The following TACR3 variants were observed in gnomAD, a reference collection of about 807,000 sequenced individuals.
TACR3 encodes neuromedin-K receptor.
A neutral mutation model predicts 35.0 loss-of-function variants in TACR3; 34 were observed. The observed-to-expected ratio is 0.97, with a 90% CI of 0.74 to 1.30. The LOEUF (loss-of-function observed/expected upper bound fraction) is 1.30. TACR3 is among the 50% of genes most tolerant of loss of function. TACR3 has a pLI of 0.00. For missense variants in TACR3, 558 were observed against 591.7 expected (o/e 0.94, Z 0.59); for synonymous variants, 233 against 221.1 (o/e 1.05, Z -0.48).
intron 1 of TACR3, among the ~76,000 whole-genome samples, chr4:103,663,500 A>C (rs1578248361): frequency 6.6e-6 from 1 of 151,912 alleles, no homozygotes. Context: ...TCTCATAAAA[A>C]ATAAAAAACA....
At chr4:103,711,371 A>C (rs1164174197) in intron 1 of TACR3, among the ~76,000 whole-genome samples, 13 of 152,204 alleles carry the variant, frequency 8.5e-5, no homozygotes, top group African/African-American at 3.1e-4. Context: ...CCAGCATATA[A>C]ACAGAACCAA....
chr4:103,596,825 T>G (rs555072569), intron 3 of TACR3, among the ~76,000 whole-genome samples: 113 of 151,448 alleles, frequency 7.5e-4, no homozygotes, highest in Non-Finnish European at 1.4e-3. Flanking sequence ...CATTGTTCAA[T>G]TCCCACCTGT....
At chr4:103,611,350 G>A (rs1724507239) in intron 3 of TACR3, among the ~76,000 whole-genome samples, 1 of 152,112 alleles carries the variant, frequency 6.6e-6, no homozygotes, top group African/African-American at 2.4e-5. Flanking sequence ...CCTCGGTTAA[G>A]TTTAGTCCTA....
chr4:103,690,036 C>A (rs920010526), intron 1 of TACR3, among the ~76,000 whole-genome samples: 2 of 151,720 alleles, frequency 1.3e-5, no homozygotes, highest in South Asian at 4.2e-4. Flanking sequence ...ATAATGAAAT[C>A]CAAAAGAAAA....
At chr4:103,691,531 G>A (rs961823402) in intron 1 of TACR3, among the ~76,000 whole-genome samples, 1 of 152,164 alleles carries the variant, frequency 6.6e-6, no homozygotes, top group Admixed American at 6.6e-5. Flanking sequence ...TGTGGTGGTT[G>A]TTAAATGAAC....
intron 3 of TACR3, among the ~76,000 whole-genome samples, chr4:103,648,167 T>C (rs960628583): frequency 6.6e-6 from 1 of 152,010 alleles, no homozygotes. Flanking sequence ...CCTTTCATTA[T>C]TTATTATTTA....
intron 3 of TACR3, among the ~76,000 whole-genome samples, chr4:103,600,250 T>G (rs188854246): frequency 1.1e-4 from 16 of 152,334 alleles, no homozygotes; most frequent in Admixed American, 5.2e-4. Flanking sequence ...CATAGAGGTA[T>G]TTATAGTATC....
Position 103,719,472 on chromosome 4 carries a change from G to T in TACR3, c.204C>A (p.Ser68=), listed in dbSNP as rs1299412380. The T allele has an allele frequency of 6.2e-7, 1 of 1,613,618 alleles. No individual in the cohort carries two copies. Among genetic ancestry groups the T allele is most frequent in the Non-Finnish European group, 8.5e-7 (1 of 1,179,516 alleles). Residue 68 remains serine (S), a synonymous_variant, in exon 1 of 5, where the codon TCC becomes TCA. Transcript: ENST00000304883. ...GGTTGGTGAGGTTGGCCCAGGGCTG[G>T]GAGGGCGCGGGGGAAGCCACAGGCA... ...LGLPVASPAP[S]QPWANLTNQF...
intron 3 of TACR3, among the ~76,000 whole-genome samples, chr4:103,607,670 A>T (rs1578224357): frequency 6.6e-6 from 1 of 152,128 alleles, no homozygotes; most frequent in Admixed American, 6.6e-5. Flanking sequence ...TATTGACTTC[A>T]AATATACATT....
At chr4:103,603,793 T>G (rs905785843) in intron 3 of TACR3, among the ~76,000 whole-genome samples, 2 of 152,220 alleles carry the variant, frequency 1.3e-5, no homozygotes, top group African/African-American at 4.8e-5. Context: ...CCACCAACAG[T>G]GTGAAAGCAT....
chr4:103,601,571 G>A (rs996888882), intron 3 of TACR3, among the ~76,000 whole-genome samples: 1 of 152,060 alleles, frequency 6.6e-6, no homozygotes, highest in Non-Finnish European at 1.5e-5. Context: ...GCTCTTTTAG[G>A]GCAGGCCTGG....
At chr4:103,671,972 C>CTG (rs1436841763) in intron 1 of TACR3, among the ~76,000 whole-genome samples, 1 of 152,082 alleles carries the variant, frequency 6.6e-6, no homozygotes, top group East Asian at 1.9e-4. Flanking sequence ...CCTGCTGCTG[C>CTG]TTTATCAGCT....
Position 103,586,674 on chromosome 4 carries a change from A to G in TACR3, c.*3008T>C, listed in dbSNP as rs1219837868. ...AGACATTGGCAGGATTTGGAAAAGG[A>G]CATGAATTCAGCTGCTGGGTCAGAA... On this transcript the variant is annotated 3_prime_UTR_variant, in exon 5 of 5. Transcript: ENST00000304883. 1 of 152,086 alleles carries G rather than the reference A, an allele frequency of 6.6e-6. No homozygotes were observed. The highest frequency in any genetic ancestry group is 2.4e-5 in the African/African-American group (1 of 41,414). 9.4% of individuals were successfully genotyped at this position (152,086 alleles called of 1,614,324 possible).
intron 3 of TACR3, among the ~76,000 whole-genome samples, chr4:103,608,166 C>G (rs1201748256): frequency 4.6e-5 from 7 of 152,064 alleles, no homozygotes; most frequent in African/African-American, 1.7e-4. Flanking sequence ...CCTAGGTGCT[C>G]ATCGATAATA....
rs75213744 is a variant in TACR3 at position 103,713,933 on chromosome 4, A to G, written c.548+5195T>C. Among the ~76,000 whole-genome samples, 1,045 of 152,304 alleles carry G rather than the reference A, an allele frequency of 6.9e-3. 12 individuals carry two copies. Among genetic ancestry groups the G allele is most frequent in the African/African-American group, 0.024 (981 of 41,562 alleles). Reference sequence around the variant, plus strand: ...GTGAGGAATATTGCTCATGGGTCAAAGAAGTCAAGGACTGAAATGTCCACT... The same window carrying G: ...GTGAGGAATATTGCTCATGGGTCAAGGAAGTCAAGGACTGAAATGTCCACT... On this transcript the variant is annotated intron_variant, in intron 1 of 4. Coordinates refer to ENST00000304883, the MANE Select transcript of TACR3 (RefSeq NM_001059.3).
intron 3 of TACR3, among the ~76,000 whole-genome samples, chr4:103,632,283 C>A (rs1044914347): frequency 6.6e-6 from 1 of 152,008 alleles, no homozygotes; most frequent in Non-Finnish European, 1.5e-5. Flanking sequence ...TGGAACCAAC[C>A]CAAATGCCCA....
At chr4:103,662,124 T>C (rs1725845723) in intron 1 of TACR3, among the ~76,000 whole-genome samples, 1 of 152,048 alleles carries the variant, frequency 6.6e-6, no homozygotes, top group African/African-American at 2.4e-5. Flanking sequence ...GGTTGAAACT[T>C]GGAAGGATAA....
intron 3 of TACR3, among the ~76,000 whole-genome samples, chr4:103,596,362 C>T (rs923158190): frequency 1.3e-5 from 2 of 151,784 alleles, no homozygotes; most frequent in African/African-American, 2.4e-5. Context: ...TTTACAGTCC[C>T]ACCAACAGTG....
intron 1 of TACR3, among the ~76,000 whole-genome samples, chr4:103,668,836 G>A (rs1467513970): frequency 7.2e-6 from 1 of 139,786 alleles, no homozygotes; most frequent in East Asian, 2.1e-4. Context: ...GTGACAGAGT[G>A]AGACTCTGTC....
Sources: gnomAD v4.1 joint callset for allele counts (sites outside exome capture counted in the v4.1 genomes callset) on GRCh38, gnomAD v4.1.1 for gene constraint, MANE v1.5 for transcripts, NCBI Gene and HGNC (gene_info 2026-07-23, HGNC 2026-07-21) for gene names.